The following EPB41L2 variants were observed in gnomAD, a reference collection of about 807,000 sequenced individuals.
EPB41L2 encodes the protein erythrocyte membrane protein band 4.1 like 2.
EPB41L2 carries 43 observed loss-of-function variants against 113.0 expected under a neutral mutation model. The observed-to-expected ratio is 0.38, with a 90% CI of 0.30 to 0.49. EPB41L2 has a LOEUF of 0.49. Ranked by LOEUF, EPB41L2 falls within the 20% of genes least tolerant of loss-of-function variation. The pLI is 0.95. For synonymous variants in EPB41L2, 442 were observed against 436.7 expected (o/e 1.01, Z -0.15); for missense variants, 1,147 against 1,223.4 (o/e 0.94, Z 0.93).
At chr6:131,011,777 T>TA (rs1243049581) in intron 1 of EPB41L2, among the ~76,000 whole-genome samples, 1 of 152,158 alleles carries the variant, frequency 6.6e-6, no homozygotes, top group African/African-American at 2.4e-5. Flanking sequence ...GGTAACAGTT[T>TA]AAAGGGTGAC....
intron 10 of EPB41L2, 149 bp downstream of exon 10, chr6:130,894,194 GA>G (rs2128485882): frequency 4.8e-6 from 3 of 626,842 alleles, no homozygotes; most frequent in Non-Finnish European, 8.6e-6. Context: ...TTCTTTCTTA[GA>G]AAAAAAGAGA....
intron 1 of EPB41L2, among the ~76,000 whole-genome samples, chr6:131,058,325 T>C (rs1465719037): frequency 6.6e-6 from 1 of 152,292 alleles, no homozygotes; most frequent in South Asian, 2.1e-4. Context: ...GAAATTCTAA[T>C]TAAAATTAAT....
intron 1 of EPB41L2, among the ~76,000 whole-genome samples, chr6:131,004,706 G>A (rs1785075143): frequency 6.6e-6 from 1 of 152,150 alleles, no homozygotes; most frequent in South Asian, 2.1e-4. Flanking sequence ...CTGTAAAGGA[G>A]ATGGGGTGTG....
At chr6:130,879,505 A>G (rs571280300) in intron 13 of EPB41L2, among the ~76,000 whole-genome samples, 16 of 151,452 alleles carry the variant, frequency 1.1e-4, no homozygotes, top group East Asian at 6.0e-4. Context: ...ATAAGAAGGG[A>G]AAAAAAAATG....
intron 1 of EPB41L2, among the ~76,000 whole-genome samples, chr6:131,057,231 G>GCA (rs1160345728): frequency 6.6e-6 from 1 of 151,870 alleles, no homozygotes; most frequent in Non-Finnish European, 1.5e-5. Flanking sequence ...ATCCACTTGT[G>GCA]CACACACACA....
chr6:131,002,553 CA>C (rs1284742495), intron 1 of EPB41L2, among the ~76,000 whole-genome samples: 8 of 152,166 alleles, frequency 5.3e-5, no homozygotes, highest in African/African-American at 1.9e-4. Flanking sequence ...TACAGGAATT[CA>C]GCAAAATGAA....
At chr6:130,902,861 T>A (rs1003697432) in intron 6 of EPB41L2, among the ~76,000 whole-genome samples, 3 of 152,206 alleles carry the variant, frequency 2.0e-5, no homozygotes, top group Non-Finnish European at 4.4e-5. Context: ...CACACAGCAC[T>A]ATGAAGCATT....
intron 14 of EPB41L2, 147 bp downstream of exon 14, chr6:130,877,957 T>C: frequency 1.4e-6 from 1 of 722,486 alleles, no homozygotes; most frequent in South Asian, 4.0e-5. Flanking sequence ...TGTTAATATT[T>C]AGTATTTACA....
chr6:131,048,235 A>G (rs1795878821), intron 1 of EPB41L2, among the ~76,000 whole-genome samples: 1 of 152,072 alleles, frequency 6.6e-6, no homozygotes, highest in Non-Finnish European at 1.5e-5. Context: ...AAAAAATTAT[A>G]CAACATCAAC....
chr6:130,891,917 G>A (rs1056293288), intron 10 of EPB41L2, among the ~76,000 whole-genome samples: 3 of 152,110 alleles, frequency 2.0e-5, no homozygotes, highest in Non-Finnish European at 4.4e-5. Flanking sequence ...AAATTCCACT[G>A]ACCTGATTCA....
Position 130,890,437 on chromosome 6 carries a change from G to C in EPB41L2, c.1517C>G (p.Ala506Gly), listed in dbSNP as rs759877014. ...RLVSPEQPPK[A>G]KFLTLGSKFR... ...TTTGGACCCCAAGGTCAGGAACTTG[G>C]CTTTTGGTGGCTGCTCTGGAGAAAC... Residue 506 changes from alanine (A) to glycine (G), a missense_variant, in exon 11 of 20, where the codon GCC becomes GGC. Coordinates refer to ENST00000337057, the MANE Select transcript of EPB41L2 (RefSeq NM_001431.4). 2.5e-6 allele frequency: 4 copies of C among 1,611,444 alleles called. No individual in the cohort carries two copies. Among genetic ancestry groups the C allele is most frequent in the Non-Finnish European group, 3.4e-6 (4 of 1,179,478 alleles).
chr6:130,839,811 CTT>C lies in EPB41L2; in HGVS notation c.*791_*792del, dbSNP rs1774977551. 6.6e-6 allele frequency: 1 copy of C among 152,212 alleles called. No homozygotes were observed. Among genetic ancestry groups the C allele is most frequent in the African/African-American group, 2.4e-5 (1 of 41,462 alleles). The allele number at this position is 152,212 out of a possible 1,614,324, so 9.4% of individuals were successfully genotyped here. A position where few individuals can be genotyped will look rare whatever the true frequency, so the allele number is the denominator to read the frequency against. ...TTAGTAGAAGGGAAGAAAGTTTTCT[CTT>C]TCTCTTCCCTCCTGTTCTGGAATGC... On this transcript the variant is annotated 3_prime_UTR_variant, in exon 20 of 20. Coordinates refer to ENST00000337057, the MANE Select transcript of EPB41L2 (RefSeq NM_001431.4).
intron 1 of EPB41L2, among the ~76,000 whole-genome samples, chr6:130,967,290 T>C (rs1215554428): frequency 5.3e-5 from 6 of 112,954 alleles, no homozygotes; most frequent in Admixed American, 5.2e-4. Flanking sequence ...GAGGGCTGAT[T>C]AGATTTACTG....
chr6:130,887,958 AT>A (rs1791572337), intron 11 of EPB41L2, among the ~76,000 whole-genome samples: 1 of 152,130 alleles, frequency 6.6e-6, no homozygotes, highest in East Asian at 1.9e-4. Context: ...ATTGATTTTC[AT>A]TTTGATATTT....
At chr6:130,995,891 C>T (rs1041868532) in intron 1 of EPB41L2, among the ~76,000 whole-genome samples, 10 of 152,188 alleles carry the variant, frequency 6.6e-5, no homozygotes, top group Non-Finnish European at 1.3e-4. Context: ...TATCTCCTCC[C>T]ACTGTCCCCT....
At chr6:130,926,291 T>C (rs1804709660) in intron 4 of EPB41L2, among the ~76,000 whole-genome samples, 1 of 152,214 alleles carries the variant, frequency 6.6e-6, no homozygotes, top group Non-Finnish European at 1.5e-5. Flanking sequence ...GTGATTAAAA[T>C]AATACCATTT....
chr6:131,038,732 A>C (rs891169940), intron 1 of EPB41L2, among the ~76,000 whole-genome samples: 1 of 151,792 alleles, frequency 6.6e-6, no homozygotes, highest in African/African-American at 2.4e-5. Flanking sequence ...TTTTGTTTTT[A>C]TTAATATGGT....
At chr6:130,995,344 A>C (rs1782852968) in intron 1 of EPB41L2, among the ~76,000 whole-genome samples, 1 of 147,584 alleles carries the variant, frequency 6.8e-6, no homozygotes, top group Admixed American at 6.7e-5. Flanking sequence ...CAAAAAAACA[A>C]ACAAAAAAAA....
intron 19 of EPB41L2, among the ~76,000 whole-genome samples, chr6:130,853,910 C>T (rs910774304): frequency 9.2e-5 from 14 of 152,176 alleles, no homozygotes; most frequent in African/African-American, 3.4e-4. Flanking sequence ...GGCAGCCAGA[C>T]AGTAGCTGAA....
Sources: gnomAD v4.1 joint callset for allele counts (sites outside exome capture counted in the v4.1 genomes callset) on GRCh38, gnomAD v4.1.1 for gene constraint, MANE v1.5 for transcripts, NCBI Gene and HGNC (gene_info 2026-07-23, HGNC 2026-07-21) for gene names.